The following TRIOBP variants were observed in gnomAD, a reference collection of about 807,000 sequenced individuals.
TRIOBP encodes the protein TRIO and F-actin-binding protein.
Under a neutral mutation model 238.8 loss-of-function variants are expected in TRIOBP, and 169 were observed. That is an observed-to-expected ratio of 0.71 (90% CI 0.62 to 0.80). The LOEUF (loss-of-function observed/expected upper bound fraction) is 0.80, where lower values mean the gene tolerates loss of function less well. Ranked by LOEUF, TRIOBP falls within the 30% of genes least tolerant of loss-of-function variation. The probability of loss-of-function intolerance (pLI) is 0.00; values close to 1 mark genes in which losing one functional copy is unlikely to be tolerated. For synonymous variants in TRIOBP, 1,150 were observed against 1,274.4 expected (o/e 0.90, Z 2.08); for missense variants, 2,838 against 3,122.6 (o/e 0.91, Z 2.17).
In TRIOBP at chr22:37,740,993, T is replaced by G. The variant is rs773296068; in HGVS notation, c.5283T>G (p.Asn1761Lys). Residue 1761 changes from asparagine to lysine, a missense_variant, in exon 11 of 24, where the codon AAT (asparagine) becomes AAG (lysine). Asn to Lys is a moderately conservative substitution (Grantham distance 94). Around this residue, in one of 5 missense-constraint regions of TRIOBP, gnomAD observed 2,096 missense variants for 2,137.4 expected, o/e 0.98. Coordinates refer to ENST00000644935, the MANE Select transcript of TRIOBP (RefSeq NM_001039141.3). ...RMPGDRPTLF[N>K]PFLLSLGVLR... is the part of the protein sequence containing the mutation. The stretch of plus-strand genomic sequence containing the variant: ...CCGGGGACCGGCCCACGCTGTTCAA[T>G]CCGTTCCTGCTGTCTCTGGGGGTCC... 2.9e-5 allele frequency: 46 copies of G among 1,560,622 alleles called. No individual in the cohort carries two copies. Among genetic ancestry groups the G allele is most frequent in the Non-Finnish European group, 4.0e-5 (46 of 1,151,926 alleles).
At chr22:37,705,094 G>A (rs1037713697) in intron 3 of TRIOBP, among the ~76,000 whole-genome samples, 2 of 148,928 alleles carry the variant, frequency 1.3e-5, no homozygotes, top group Admixed American at 1.3e-4. Flanking sequence ...AAACAAACAG[G>A]TCAGGTGCAG....
chr22:37,742,911 A>C (rs984355414), intron 11 of TRIOBP, among the ~76,000 whole-genome samples: 1 of 152,158 alleles, frequency 6.6e-6, no homozygotes, highest in Non-Finnish European at 1.5e-5. Context: ...CAGATGATGA[A>C]GTGAAGCTCA....
At chr22:37,758,695 G>GAAA (rs1238419538) in intron 16 of TRIOBP, among the ~76,000 whole-genome samples, 2 of 150,814 alleles carry the variant, frequency 1.3e-5, no homozygotes, top group African/African-American at 4.9e-5. Context: ...AAAAAAAAAA[G>GAAA]AAGAAGAAGA....
intron 19 of TRIOBP, among the ~76,000 whole-genome samples, chr22:37,768,386 T>G (rs946446472): frequency 2.0e-5 from 3 of 152,224 alleles, no homozygotes; most frequent in Non-Finnish European, 2.9e-5. Context: ...TTGTCTTGGC[T>G]GGTCCCAGCC....
At chr22:37,751,707 C>T (rs1925614188) in intron 11 of TRIOBP, 65 bp from the exon 12 acceptor site, 13 of 1,573,380 alleles carry the variant, frequency 8.3e-6, no homozygotes, top group Non-Finnish European at 1.1e-5. Context: ...GCAGCACGCT[C>T]CCCTCACCAG....
At chr22:37,713,525 G>T in intron 5 of TRIOBP, 114 bp downstream of exon 5, 1 of 1,341,042 alleles carries the variant, frequency 7.5e-7, no homozygotes, top group East Asian at 2.3e-5. Flanking sequence ...GGAATCCGAC[G>T]AGGTCCTCTG....
chr22:37,770,449 C>CAA lies in TRIOBP; in HGVS notation c.6849+1087_6849+1088dup, dbSNP rs551177241. ...TGGGTGACAGAGCGAGACTCCGTCT[C>CAA]AAAAAAAAAAAAAATATTAAAAAAA... On this transcript the variant is annotated intron_variant, in intron 21 of 23. Transcript: ENST00000644935. Among the ~76,000 whole-genome samples the CAA allele has an allele frequency of 2.8e-3, 310 of 111,014 alleles. 4 individuals are homozygous for CAA. The highest frequency in any genetic ancestry group is 0.014 in the South Asian group (41 of 2,838). The allele number at this position is 111,014 out of a possible 152,430, so 72.8% of individuals were successfully genotyped here. A position where few individuals can be genotyped will look rare whatever the true frequency, so the allele number is the denominator to read the frequency against.
intron 3 of TRIOBP, among the ~76,000 whole-genome samples, chr22:37,705,690 C>T (rs139801120): frequency 8.8e-4 from 134 of 152,132 alleles, no homozygotes; most frequent in Middle Eastern, 6.8e-3. Flanking sequence ...ATTCTCCTGC[C>T]TCAGCCTCCC....
chr22:37,725,015 A>C lies in TRIOBP; in HGVS notation c.2459A>C (p.Gln820Pro). 1.2e-6 allele frequency: 2 copies of C among 1,614,084 alleles called. No individual in the cohort carries two copies. Among genetic ancestry groups the C allele is most frequent in the Non-Finnish European group, 1.7e-6 (2 of 1,179,960 alleles). Residue 820 changes from glutamine to proline, a missense_variant, in exon 7 of 24, where the codon CAA (glutamine) becomes CCA (proline). Transcript: ENST00000644935. ...TQQDNPRTCI[Q>P]QNIPRSSSTQ... ...CAGGACAACCCCAGAACTTGTATTC[A>C]ACAGAACATCCCCAGATCATCTTCT...
At chr22:37,731,509 T>C (rs1924420913) in intron 7 of TRIOBP, among the ~76,000 whole-genome samples, 1 of 151,486 alleles carries the variant, frequency 6.6e-6, no homozygotes, top group Non-Finnish European at 1.5e-5. Context: ...CAGGCTGGAG[T>C]GCAGTGGCGC....
intron 3 of TRIOBP, among the ~76,000 whole-genome samples, chr22:37,707,865 C>T (rs1316097889): frequency 2.0e-5 from 3 of 150,144 alleles, no homozygotes; most frequent in East Asian, 2.0e-4. Flanking sequence ...TTGCTTGAAC[C>T]CGGGAGGCAG....
chr22:37,757,984 A>G lies in TRIOBP; in HGVS notation c.6059A>G (p.Asn2020Ser), dbSNP rs1926032338. ...LGAPLTEDQQ[N>S]RLSEEIEKKW... Reference sequence around the variant, plus strand: ...GCCCCCCTGACTGAGGACCAGCAAAACCGGCTTAGTGAGGAGATCGAGAAG... The same window carrying G: ...GCCCCCCTGACTGAGGACCAGCAAAGCCGGCTTAGTGAGGAGATCGAGAAG... The change falls in exon 16 of 24, where the codon AAC becomes AGC. Residue 2020 changes from asparagine (N) to serine (S), a missense_variant. Asn to Ser is a conservative substitution (Grantham distance 46). Coordinates refer to ENST00000644935, the MANE Select transcript of TRIOBP (RefSeq NM_001039141.3). 1 of 1,589,742 alleles carries G rather than the reference A, an allele frequency of 6.3e-7. No homozygotes were observed. The highest frequency in any genetic ancestry group is 1.3e-5 in the African/African-American group (1 of 74,238).
intron 5 of TRIOBP, among the ~76,000 whole-genome samples, chr22:37,714,417 C>T (rs555035712): frequency 1.3e-5 from 2 of 152,288 alleles, no homozygotes; most frequent in South Asian, 4.1e-4. Context: ...GCCTGTAATC[C>T]CAGCACTTTG....
At chr22:37,758,184 C>A in intron 16 of TRIOBP, 46 bp downstream of exon 16, 1 of 1,602,918 alleles carries the variant, frequency 6.2e-7, no homozygotes, top group East Asian at 2.2e-5. Context: ...GCCCCAGCGC[C>A]CCTCCAGTCC....
chr22:37,747,224 C>T (rs1925328977), intron 11 of TRIOBP, among the ~76,000 whole-genome samples: 1 of 152,178 alleles, frequency 6.6e-6, no homozygotes, highest in Non-Finnish European at 1.5e-5. Flanking sequence ...GGTGAGTTGC[C>T]CGAGGTCACC....
intron 19 of TRIOBP, 24 bp from the exon 20 acceptor site, chr22:37,769,004 T>G (rs1204355410): frequency 6.2e-7 from 1 of 1,612,946 alleles, no homozygotes; most frequent in South Asian, 1.1e-5. Context: ...ACCTATGCTC[T>G]CCTCTGCTCC....
chr22:37,709,260 CCTGGGCT>C (rs1923108337), intron 3 of TRIOBP, among the ~76,000 whole-genome samples: 1 of 152,126 alleles, frequency 6.6e-6, no homozygotes, highest in Non-Finnish European at 1.5e-5. Context: ...CTGCCTTGGC[CCTGGGCT>C]CTGGGCTCCA....
At chr22:37,766,265 CAT>C (rs1364900283) in intron 18 of TRIOBP, among the ~76,000 whole-genome samples, 3 of 152,364 alleles carry the variant, frequency 2.0e-5, no homozygotes, top group Middle Eastern at 3.4e-3. Flanking sequence ...CTGGGCCCCA[CAT>C]GTTTCCCACA....
intron 11 of TRIOBP, among the ~76,000 whole-genome samples, chr22:37,742,657 C>G (rs1924994232): frequency 6.6e-6 from 1 of 152,142 alleles, no homozygotes; most frequent in African/African-American, 2.4e-5. Flanking sequence ...AAGCCATGGG[C>G]AGGAATTACC....
Sources: allele counts gnomAD v4.1 joint callset (sites outside exome capture counted in the v4.1 genomes callset), GRCh38; gene constraint gnomAD v4.1.1; regional missense constraint gnomAD v4.1.1; transcripts MANE v1.5; gene names NCBI Gene and HGNC (gene_info 2026-07-23, HGNC 2026-07-21).